Variants in FCN2 observed in about 807,000 individuals in gnomAD.
FCN2 encodes ficolin-2.
A neutral mutation model predicts 32.5 loss-of-function variants in FCN2; 31 were observed. The observed-to-expected ratio is 0.96, with a 90% CI of 0.72 to 1.29. FCN2 has a LOEUF of 1.29. FCN2 is among the 50% of genes most tolerant of loss of function. FCN2 has a pLI of 0.00. For synonymous variants in FCN2, 181 were observed against 164.5 expected (o/e 1.10, Z -0.77); for missense variants, 412 against 406.5 (o/e 1.01, Z -0.12).
chr9:134,879,797 A>T (rs1319219365), upstream of FCN2, among the ~76,000 whole-genome samples: 1 of 152,030 alleles, frequency 6.6e-6, no homozygotes, highest in Admixed American at 6.5e-5. Flanking sequence ...CCTTCTACTG[A>T]TCTTGCCAAG....
At chr9:134,873,203 T>G in the FCN2 span, among the ~76,000 whole-genome samples, 2 of 152,122 alleles carry the variant, frequency 1.3e-5, no homozygotes, top group Non-Finnish European at 2.9e-5. Flanking sequence ...ATGTATGTGA[T>G]GCATGAGAGC....
At chr9:134,885,713 T>G (rs1830741205) in intron 5 of FCN2, 55 bp from the exon 6 acceptor site, 2 of 1,611,608 alleles carry the variant, frequency 1.2e-6, no homozygotes, top group Admixed American at 3.3e-5. Flanking sequence ...GGGTCCCCCG[T>G]GCTGTGGGAC....
At chr9:134,872,768 A>C in the FCN2 span, among the ~76,000 whole-genome samples, 1 of 152,186 alleles carries the variant, frequency 6.6e-6, no homozygotes, top group African/African-American at 2.4e-5. Flanking sequence ...CCCATGACAC[A>C]TGGGAATTAT....
At chr9:134,884,909 C>T in intron 4 of FCN2, 137 bp downstream of exon 4, 2 of 849,770 alleles carry the variant, frequency 2.4e-6, no homozygotes, top group Non-Finnish European at 3.9e-6. Context: ...TTTCCTTGTC[C>T]CCTAATTATT....
rs1210011507 is a variant in FCN2 at position 134,885,294 on chromosome 9, C to T, written c.357C>T (p.His119=). Reference sequence around the variant, plus strand: ...GAGGGCACTTCCTGAGCGGCTGGCACACCATCTACCTGCCCGACTGCCGGC... The same window carrying T: ...GAGGGCACTTCCTGAGCGGCTGGCATACCATCTACCTGCCCGACTGCCGGC... ...LDRGHFLSGW[H]TIYLPDCRPL... The change falls in exon 5 of 8, where the codon CAC becomes CAT. Residue 119 remains histidine, a synonymous_variant. Coordinates refer to ENST00000291744, the MANE Select transcript of FCN2 (RefSeq NM_004108.3). 2.5e-6 allele frequency: 4 copies of T among 1,614,034 alleles called. No individual in the cohort carries two copies. The South Asian group carries it at 3.3e-5, about 13-fold the overall frequency.
rs111538932 is a variant in FCN2, at chr9:134,885,236, C to T, written c.302-3C>T. On this transcript the variant is annotated splice_region_variant and splice_polypyrimidine_tract_variant and intron_variant, in intron 4 of 7. Coordinates refer to ENST00000291744, the MANE Select transcript of FCN2 (RefSeq NM_004108.3). ...GCAGCCATTCCCCGGGTTCCCTTCC[C>T]AGGCCCGCGTACCTGCAAGGACCTG... 1 of 1,614,090 alleles carries T rather than the reference C, an allele frequency of 6.2e-7. No individual in the cohort carries two copies. The highest frequency in any genetic ancestry group is 1.3e-5 in the African/African-American group (1 of 75,062).
the FCN2 span, among the ~76,000 whole-genome samples, chr9:134,867,730 TCC>T: frequency 6.7e-6 from 1 of 150,202 alleles, no homozygotes; most frequent in Non-Finnish European, 1.5e-5. Flanking sequence ...TGGCTCTGTG[TCC>T]TTGGACCCCA....
intron 7 of FCN2, 82 bp downstream of exon 7, chr9:134,886,646 A>G (rs1255549313): frequency 2.6e-6 from 4 of 1,534,888 alleles, no homozygotes; most frequent in Non-Finnish European, 2.7e-6. Flanking sequence ...GTGTCCTGGT[A>G]GCCTTGTGGA....
the FCN2 span, among the ~76,000 whole-genome samples, chr9:134,864,514 G>T: frequency 6.6e-6 from 1 of 152,180 alleles, no homozygotes; most frequent in Non-Finnish European, 1.5e-5. Context: ...GGTTACAGTG[G>T]GTGGCTGCAG....
Position 134,887,273 on chromosome 9 carries a change from A to G in FCN2, c.800A>G (p.Tyr267Cys). The G allele has an allele frequency of 6.2e-7, 1 of 1,614,224 alleles. No individual in the cohort carries two copies. The highest frequency in any genetic ancestry group is 8.5e-7 in the Non-Finnish European group (1 of 1,180,036). The change falls in exon 8 of 8, where the codon TAC (tyrosine) becomes TGC (cysteine). Residue 267 changes from tyrosine (Y) to cysteine (C), a missense_variant. Coordinates refer to ENST00000291744, the MANE Select transcript of FCN2 (RefSeq NM_004108.3). The stretch of plus-strand genomic sequence containing the variant: ...GTGATGTTTCAGGGAGCTTGGTGGT[A>G]CAAAAACTGCCATGTGTCAAACCTG... Reference protein sequence around the residue: ...CAVMFQGAWWYKNCHVSNLNG... With the variant: ...CAVMFQGAWWCKNCHVSNLNG...
At chr9:134,879,744 G>A (rs1830637737), upstream of FCN2, among the ~76,000 whole-genome samples, 1 of 152,290 alleles carries the variant, frequency 6.6e-6, no homozygotes, top group Admixed American at 6.5e-5. Flanking sequence ...ATGGGATTTT[G>A]TTTCTCGCGT....
At chr9:134,887,071 A>C (rs1830768643) in intron 7 of FCN2, 97 bp from the exon 8 acceptor site, 1 of 1,404,866 alleles carries the variant, frequency 7.1e-7, no homozygotes, top group South Asian at 1.2e-5. Flanking sequence ...CTAACCATAC[A>C]TGGAGGACAC....
At chr9:134,876,240 A>G (rs904468789), upstream of FCN2, among the ~76,000 whole-genome samples, 1 of 152,144 alleles carries the variant, frequency 6.6e-6, no homozygotes, top group Non-Finnish European at 1.5e-5. Flanking sequence ...TTTTTCTTGC[A>G]ATGATTTTTA....
chr9:134,879,980 A>G (rs1830641243), upstream of FCN2, among the ~76,000 whole-genome samples: 2 of 152,120 alleles, frequency 1.3e-5, no homozygotes, highest in Non-Finnish European at 1.5e-5. Context: ...GTGCACCTTC[A>G]GGCCAGCTCT....
At chr9:134,877,225 C>T (rs1348719703), upstream of FCN2, among the ~76,000 whole-genome samples, 2 of 152,324 alleles carry the variant, frequency 1.3e-5, no homozygotes, top group Non-Finnish European at 2.9e-5. Context: ...GAGACGGAAG[C>T]AGAGGCTGTT....
At chr9:134,882,952 G>A (rs2133000350) in intron 2 of FCN2, among the ~76,000 whole-genome samples, 1 of 152,324 alleles carries the variant, frequency 6.6e-6, no homozygotes, top group South Asian at 2.1e-4. Context: ...CCTCAACACG[G>A]AGGCCATGAC....
intron 3 of FCN2, among the ~76,000 whole-genome samples, 174 bp downstream of exon 3, chr9:134,883,529 G>T (rs528271204): frequency 7.4e-5 from 11 of 148,862 alleles, no homozygotes; most frequent in Non-Finnish European, 1.3e-4. Flanking sequence ...GGGGGAAGGG[G>T]TCTCAATGTG....
the FCN2 span, among the ~76,000 whole-genome samples, chr9:134,869,982 C>T: frequency 6.6e-6 from 1 of 152,192 alleles, no homozygotes; most frequent in Non-Finnish European, 1.5e-5. Context: ...GCTTCATTCA[C>T]ATGGGGTGGG....
intron 5 of FCN2, 134 bp downstream of exon 5, chr9:134,885,500 C>T (rs1008064610): frequency 6.9e-5 from 99 of 1,443,338 alleles, no homozygotes; most frequent in South Asian, 3.1e-4. Flanking sequence ...GGGAGATGAC[C>T]GGTGGGTAAA....
Sources: gnomAD v4.1 joint callset for allele counts (sites outside exome capture counted in the v4.1 genomes callset) on GRCh38, gnomAD v4.1.1 for gene constraint, MANE v1.5 for transcripts, NCBI Gene and HGNC (gene_info 2026-07-23, HGNC 2026-07-21) for gene names.